The following KIAA1217 variants were observed in gnomAD, a reference collection of about 807,000 sequenced individuals.
KIAA1217 encodes the protein sickle tail protein homolog.
Under a neutral mutation model 163.9 loss-of-function variants are expected in KIAA1217, and 88 were observed. The ratio of observed to expected loss-of-function variants is 0.54; its 90% CI spans 0.45 to 0.64. The LOEUF (loss-of-function observed/expected upper bound fraction) is 0.64. Ranked by LOEUF, KIAA1217 falls within the 30% of genes least tolerant of loss-of-function variation. KIAA1217 has a pLI of 0.00. For synonymous variants in KIAA1217, 903 were observed against 923.1 expected (o/e 0.98, Z 0.39); for missense variants, 2,372 against 2,475.0 (o/e 0.96, Z 0.88).
intron 2 of KIAA1217, among the ~76,000 whole-genome samples, chr10:24,328,018 G>GT (rs1564478776): frequency 6.6e-6 from 1 of 152,116 alleles, no homozygotes; most frequent in Non-Finnish European, 1.5e-5. Context: ...GTCTGACCTT[G>GT]TAACTCCCTG....
intron 2 of KIAA1217, among the ~76,000 whole-genome samples, chr10:24,296,262 C>T (rs1031918178): frequency 6.6e-6 from 1 of 152,122 alleles, no homozygotes; most frequent in Non-Finnish European, 1.5e-5. Flanking sequence ...CATCATCAAA[C>T]CCAGTTAATT....
At chr10:24,177,564 G>A (rs1348969351) in intron 2 of KIAA1217, among the ~76,000 whole-genome samples, 1 of 151,452 alleles carries the variant, frequency 6.6e-6, no homozygotes, top group Non-Finnish European at 1.5e-5. Flanking sequence ...TAGAACTACA[G>A]ACATTTTTTG....
rs1458544516 is a variant in KIAA1217, at chr10:24,239,486, T to C, written c.354+19577T>C. On this transcript the variant is annotated intron_variant, in intron 2 of 20. Coordinates refer to ENST00000376454, the MANE Select transcript of KIAA1217 (RefSeq NM_019590.5). ...AGCAATGTTCGTGCTAAAGGGCTGT[T>C]TTTAAGGGCTTTTTTTTTTTTTTTT... The C allele has an allele frequency of 1.9e-4, 28 of 144,294 alleles. No individual in the cohort carries two copies. The Admixed American group carries it at 2.4e-3, about 13-fold the overall frequency. The allele number at this position is 144,294 out of a possible 1,614,324, so 8.9% of individuals were successfully genotyped here. A position where few individuals can be genotyped will look rare whatever the true frequency, so the allele number is the denominator to read the frequency against.
intron 1 of KIAA1217, among the ~76,000 whole-genome samples, chr10:24,216,274 C>G (rs2068804484): frequency 6.6e-6 from 1 of 152,116 alleles, no homozygotes; most frequent in South Asian, 2.1e-4. Flanking sequence ...TCTTGATGCT[C>G]TTTGGATGAA....
At chr10:24,519,427 A>G (rs908305225) in intron 10 of KIAA1217, among the ~76,000 whole-genome samples, 1 of 152,082 alleles carries the variant, frequency 6.6e-6, no homozygotes, top group African/African-American at 2.4e-5. Flanking sequence ...GGTAGCTTGG[A>G]GAAGAGTTCA....
chr10:24,459,336 C>T (rs1415875211), intron 5 of KIAA1217, among the ~76,000 whole-genome samples: 1 of 152,222 alleles, frequency 6.6e-6, no homozygotes, highest in Non-Finnish European at 1.5e-5. Flanking sequence ...CCATAAGAAC[C>T]TCATTATTCT....
At chr10:24,465,034 C>A (rs566382858) in intron 5 of KIAA1217, among the ~76,000 whole-genome samples, 1 of 152,284 alleles carries the variant, frequency 6.6e-6, no homozygotes, top group East Asian at 1.9e-4. Flanking sequence ...GGCATCGTGG[C>A]CTAATCAGAC....
At chr10:24,068,379 T>C (rs1027632504) in intron 2 of KIAA1217, among the ~76,000 whole-genome samples, 3 of 152,228 alleles carry the variant, frequency 2.0e-5, no homozygotes, top group Non-Finnish European at 2.9e-5. Context: ...ACTTTGTTTA[T>C]GTACTGTTCT....
chr10:24,298,649 T>G (rs2040913126), intron 2 of KIAA1217, among the ~76,000 whole-genome samples: 1 of 151,942 alleles, frequency 6.6e-6, no homozygotes, highest in Admixed American at 6.6e-5. Context: ...TATACAAAAA[T>G]TAGCCGGGCA....
chr10:24,521,986 G>A (rs2071366046), intron 12 of KIAA1217, 57 bp downstream of exon 12: 18 of 1,562,430 alleles, frequency 1.2e-5, no homozygotes, highest in South Asian at 3.4e-5. Flanking sequence ...CTGGGAAACC[G>A]AGAGTGGACG....
chr10:24,499,834 G>A (rs1293358071), intron 8 of KIAA1217, among the ~76,000 whole-genome samples: 2 of 152,166 alleles, frequency 1.3e-5, no homozygotes, highest in Non-Finnish European at 2.9e-5. Flanking sequence ...CTCCCCTGCT[G>A]CCTCCCCAAG....
At chr10:23,901,560 A>G (rs185292425) in intron 1 of KIAA1217, among the ~76,000 whole-genome samples, 1 of 152,240 alleles carries the variant, frequency 6.6e-6, no homozygotes, top group East Asian at 1.9e-4. Context: ...CTTAGGATTG[A>G]ATGTATTATG....
chr10:24,322,217 G>C (rs2044261860), intron 2 of KIAA1217, among the ~76,000 whole-genome samples: 1 of 152,144 alleles, frequency 6.6e-6, no homozygotes, highest in South Asian at 2.1e-4. Context: ...GCCTCCCAAA[G>C]TGCTGGGATT....
rs1290139024 is a variant in KIAA1217, at chr10:24,124,564, A to G, written c.-170-95062A>G. 2.6e-5 allele frequency among the ~76,000 whole-genome samples: 4 copies of G among 152,130 alleles called. No individual in the cohort carries two copies. The East Asian group carries it at 7.7e-4, about 29-fold the overall frequency. On this transcript the variant is annotated intron_variant, in intron 2 of 18. Coordinates refer to the KIAA1217 transcript ENST00000376462. ...TCTGACTTTAACCATTAAGTATGGT[A>G]TTCTCTTAGCATATGGTATATTTTA...
chr10:24,342,599 C>A lies in KIAA1217; in HGVS notation c.355-38270C>A, dbSNP rs1169432396. Among the ~76,000 whole-genome samples, 3 of 151,470 alleles carry A rather than the reference C, an allele frequency of 2.0e-5. No individual in the cohort carries two copies. The East Asian group carries it at 5.8e-4, about 29-fold the overall frequency. ...AGTTACTCTGTATGTCGCTTCTCCA[C>A]TTAGTGATGCATCTTCAAGGTACTT... is the stretch of plus-strand genomic sequence containing the variant. On this transcript the variant is annotated intron_variant, in intron 2 of 20. Coordinates refer to ENST00000376454, the MANE Select transcript of KIAA1217 (RefSeq NM_019590.5).
rs146102965 is a variant in KIAA1217 at position 24,530,227 on chromosome 10, T to G, written c.3083-1603T>G. Among the ~76,000 whole-genome samples the G allele has an allele frequency of 3.4e-4, 52 of 152,350 alleles. No homozygotes were observed. The East Asian group carries it at 9.8e-3, about 29-fold the overall frequency. On this transcript the variant is annotated intron_variant, in intron 14 of 20. Transcript: ENST00000376454. ...TTGAACAACAAAAACATATTACATT[T>G]TGTTCACTTACCTCATTTTGGCTCT...
At chr10:24,133,301 G>A (rs2063720730) in intron 2 of KIAA1217, among the ~76,000 whole-genome samples, 1 of 152,108 alleles carries the variant, frequency 6.6e-6, no homozygotes, top group Non-Finnish European at 1.5e-5. Flanking sequence ...GGCTAGGCAC[G>A]GTGTCTCATG....
chr10:24,543,770 G>T lies in KIAA1217; in HGVS notation c.4500G>T (p.Gln1500His). 1 of 1,613,480 alleles carries T rather than the reference G, an allele frequency of 6.2e-7. No homozygotes were observed. Residue 1500 changes from glutamine to histidine, a missense_variant, in exon 19 of 21, where the codon CAG (glutamine) becomes CAT (histidine). This residue lies in a region of KIAA1217 where 690 missense variants were observed against 677.5 expected (regional missense o/e 1.02). Transcript: ENST00000376454. ...DSVVQNNNTS[Q>H]MSHKKVAPGN... is the part of the protein sequence containing the mutation. ...TAGTCCAGAATAATAACACTTCCCA[G>T]ATGTCTCATAAGAAGGTGGCCCCAG...
Position 24,501,571 on chromosome 10 carries a change from G to T in KIAA1217, c.2001+26G>T, listed in dbSNP as rs1476259004. The T allele has an allele frequency of 3.1e-6, 5 of 1,600,974 alleles. No individual in the cohort carries two copies. The Admixed American group carries it at 6.7e-5, about 21-fold the overall frequency. ...GTATTCCTCATGCACGGCGGCCTCT[G>T]TCTCGGTTGCCCTGAGCTCTTCCTA... On this transcript the variant is annotated intron_variant, in intron 9 of 20. Coordinates refer to ENST00000376454, the MANE Select transcript of KIAA1217 (RefSeq NM_019590.5).
Sources: gnomAD v4.1 joint callset for allele counts (sites outside exome capture counted in the v4.1 genomes callset) on GRCh38, gnomAD v4.1.1 for gene constraint, gnomAD v4.1.1 regional missense constraint, MANE v1.5 for transcripts, NCBI Gene and HGNC (gene_info 2026-07-23, HGNC 2026-07-21) for gene names.